Variants in GPATCH2 observed in about 807,000 individuals in gnomAD.
The protein encoded by GPATCH2 is G-patch domain containing 2.
A neutral mutation model predicts 58.0 loss-of-function variants in GPATCH2; 51 were observed. That is an observed-to-expected ratio of 0.88 (90% CI 0.70 to 1.11). The LOEUF is 1.11. GPATCH2 is among the 50% of genes most tolerant of loss of function. The pLI, the probability that GPATCH2 is intolerant of heterozygous loss-of-function variation, is 0.00. For synonymous variants in GPATCH2, 222 were observed against 218.5 expected (o/e 1.02, Z -0.14); for missense variants, 625 against 652.2 (o/e 0.96, Z 0.45).
intron 5 of GPATCH2, among the ~76,000 whole-genome samples, chr1:217,535,308 G>C (rs1664406627): frequency 6.6e-6 from 1 of 152,144 alleles, no homozygotes; most frequent in South Asian, 2.1e-4. Context: ...CAGTTGAGTG[G>C]GTGAGTTGAT....
chr1:217,602,374 T>C (rs764924826), intron 5 of GPATCH2, among the ~76,000 whole-genome samples: 1 of 152,162 alleles, frequency 6.6e-6, no homozygotes, highest in Non-Finnish European at 1.5e-5. Context: ...GTCTGCCAAT[T>C]TCCCTCCCCA....
chr1:217,622,688 C>T (rs995373322), intron 1 of GPATCH2, among the ~76,000 whole-genome samples: 12 of 152,138 alleles, frequency 7.9e-5, no homozygotes, highest in Admixed American at 1.3e-4. Flanking sequence ...GGATTACAGG[C>T]GCACGCCACC....
intron 5 of GPATCH2, among the ~76,000 whole-genome samples, chr1:217,546,285 G>T (rs1244587553): frequency 1.3e-5 from 2 of 151,936 alleles, no homozygotes; most frequent in East Asian, 3.9e-4. Context: ...CACAGAACTA[G>T]AAAAAAACTA....
chr1:217,532,587 G>T (rs925787741), intron 5 of GPATCH2, among the ~76,000 whole-genome samples: 73 of 152,086 alleles, frequency 4.8e-4, no homozygotes, highest in African/African-American at 1.7e-3. Flanking sequence ...GAACACTACA[G>T]ATTTTAGAAA....
chr1:217,552,389 AC>A (rs1229143074), intron 5 of GPATCH2, among the ~76,000 whole-genome samples: 1 of 152,156 alleles, frequency 6.6e-6, no homozygotes, highest in African/African-American at 2.4e-5. Context: ...TTAATAAGTT[AC>A]CTAGTTAAAG....
intron 5 of GPATCH2, among the ~76,000 whole-genome samples, chr1:217,515,667 C>G (rs1246002571): frequency 1.3e-5 from 2 of 151,660 alleles, no homozygotes; most frequent in African/African-American, 2.4e-5. Flanking sequence ...GCGAGGTTGT[C>G]ACTGCACTCC....
At chr1:217,556,319 C>T (rs1571911996) in intron 5 of GPATCH2, among the ~76,000 whole-genome samples, 1 of 152,174 alleles carries the variant, frequency 6.6e-6, no homozygotes, top group Non-Finnish European at 1.5e-5. Flanking sequence ...TATCTTCCCC[C>T]TTCTCTTCGG....
intron 5 of GPATCH2, among the ~76,000 whole-genome samples, chr1:217,565,234 T>G (rs950248475): frequency 6.6e-6 from 1 of 152,170 alleles, no homozygotes; most frequent in Non-Finnish European, 1.5e-5. Flanking sequence ...AATCTATATA[T>G]AAAATACTGA....
At chr1:217,605,905 T>C (rs1668339262) in intron 5 of GPATCH2, among the ~76,000 whole-genome samples, 1 of 152,114 alleles carries the variant, frequency 6.6e-6, no homozygotes, top group Admixed American at 6.5e-5. Flanking sequence ...ATATAAGAGA[T>C]TCGGGCTGAA....
At chr1:217,489,136 T>G (rs1661597541) in intron 8 of GPATCH2, among the ~76,000 whole-genome samples, 1 of 151,316 alleles carries the variant, frequency 6.6e-6, no homozygotes, top group African/African-American at 2.4e-5. Flanking sequence ...AGGGTATCAC[T>G]ATTTTGCCCA....
At chr1:217,477,569 A>G (rs982554002) in intron 8 of GPATCH2, among the ~76,000 whole-genome samples, 2 of 152,120 alleles carry the variant, frequency 1.3e-5, no homozygotes, top group Non-Finnish European at 1.5e-5. Flanking sequence ...TTAAGGGAAC[A>G]TTGGCAATAG....
chr1:217,524,281 C>T, intron 5 of GPATCH2, among the ~76,000 whole-genome samples: 1 of 151,158 alleles, frequency 6.6e-6, no homozygotes, highest in African/African-American at 2.4e-5. Context: ...GGCAGAGACG[C>T]TCCTCACTTC....
At chr1:217,462,691 T>G (rs1173151832) in intron 8 of GPATCH2, among the ~76,000 whole-genome samples, 1 of 152,232 alleles carries the variant, frequency 6.6e-6, no homozygotes, top group Admixed American at 6.5e-5. Flanking sequence ...GCTATTATGG[T>G]GTTCGCTATA....
chr1:217,451,827 C>A (rs1659678327), intron 8 of GPATCH2, among the ~76,000 whole-genome samples: 1 of 152,144 alleles, frequency 6.6e-6, no homozygotes, highest in Admixed American at 6.5e-5. Flanking sequence ...CTGTGAAAAC[C>A]AACTCATGAA....
At chr1:217,531,496 A>G (rs913409232) in intron 5 of GPATCH2, among the ~76,000 whole-genome samples, 2 of 152,226 alleles carry the variant, frequency 1.3e-5, no homozygotes, top group African/African-American at 4.8e-5. Context: ...GCACACTGCC[A>G]TCTGCATAAT....
chr1:217,617,243 CA>C (rs1668930574), intron 2 of GPATCH2, among the ~76,000 whole-genome samples: 1 of 152,194 alleles, frequency 6.6e-6, no homozygotes, highest in South Asian at 2.1e-4. Flanking sequence ...TTTCATTTCA[CA>C]ATTCATGCCT....
At position 217,583,181 on chromosome 1, in the gene GPATCH2, G is replaced by A. The variant is rs913937628; in HGVS notation, c.1098+27140C>T. Among the ~76,000 whole-genome samples, 4 of 152,060 alleles carry A rather than the reference G, an allele frequency of 2.6e-5. No homozygotes were observed. The East Asian group carries it at 7.7e-4, about 29-fold the overall frequency. On this transcript the variant is annotated intron_variant, in intron 5 of 9. Coordinates refer to ENST00000366935, the MANE Select transcript of GPATCH2 (RefSeq NM_018040.5). ...GAACCGAAGATATTACCTGTAATGT[G>A]GCACACACAAAAAAACAATGAAATG...
At chr1:217,581,171 G>A (rs1030557023) in intron 5 of GPATCH2, among the ~76,000 whole-genome samples, 2 of 152,200 alleles carry the variant, frequency 1.3e-5, no homozygotes, top group African/African-American at 4.8e-5. Context: ...TGGTGGAAAG[G>A]ATTTCTAGCC....
chr1:217,535,360 T>G (rs1664408752), intron 5 of GPATCH2, among the ~76,000 whole-genome samples: 1 of 152,224 alleles, frequency 6.6e-6, no homozygotes, highest in Non-Finnish European at 1.5e-5. Context: ...ATTCTCTTTT[T>G]AAGTTAATGT....
Sources: gnomAD v4.1 joint callset for allele counts (sites outside exome capture counted in the v4.1 genomes callset) on GRCh38, gnomAD v4.1.1 for gene constraint, MANE v1.5 for transcripts, NCBI Gene and HGNC (gene_info 2026-07-23, HGNC 2026-07-21) for gene names.